Variants in TRIP13 observed in about 807,000 individuals in gnomAD.
TRIP13 encodes pachytene checkpoint protein 2 homolog.
In TRIP13, 25 loss-of-function variants were observed where a neutral mutation model predicts 54.4. That is an observed-to-expected ratio of 0.46 (90% CI 0.33 to 0.64). TRIP13 has a LOEUF of 0.64. Ranked by LOEUF, TRIP13 falls within the 30% of genes least tolerant of loss-of-function variation. TRIP13 has a pLI of 0.02. For missense variants in TRIP13, 373 were observed against 534.2 expected, an observed-to-expected ratio of 0.70 and a Z score of 2.97; for synonymous variants, 207 against 207.8, an observed-to-expected ratio of 1.00 and a Z score of 0.03.
Position 901,373 on chromosome 5 carries a change from T to A in TRIP13, c.477T>A (p.Phe159Leu), listed in dbSNP as rs1427227792. ...LLDYVMTTLLFSDKNVNSNLI... is the reference protein window; with the variant it reads ...LLDYVMTTLLLSDKNVNSNLI... ...ATTATGTGATGACAACTTTACTGTT[T>A]TCAGACAAGAACGTCAACAGCAACC... The change falls in exon 5 of 13, where the codon TTT becomes TTA. Residue 159 changes from phenylalanine to leucine, a missense_variant. Around this residue, in one of 4 missense-constraint regions of TRIP13, gnomAD observed 119 missense variants for 223.0 expected, o/e 0.53. Transcript: ENST00000166345. 6.2e-7 allele frequency: 1 copy of A among 1,614,054 alleles called. No individual in the cohort carries two copies. The highest frequency in any genetic ancestry group is 8.5e-7 in the Non-Finnish European group (1 of 1,180,022).
Position 908,340 on chromosome 5 carries a change from G to C in TRIP13, c.760-15G>C. On this transcript the variant is annotated splice_polypyrimidine_tract_variant and intron_variant, in intron 8 of 12. Transcript: ENST00000166345. This position sits in a 1 kb window ranked among gnomAD's most constrained non-coding sequence, Gnocchi z 5.2. ...AGGCCCTGTCCTTTTTGACCCCACTGCTCCCTCCCAACAGGTGGAGAGTCT... is the reference window on the plus strand; with the variant it reads ...AGGCCCTGTCCTTTTTGACCCCACTCCTCCCTCCCAACAGGTGGAGAGTCT... The C allele has an allele frequency of 6.2e-7, 1 of 1,609,160 alleles. No individual in the cohort carries two copies. The highest frequency in any genetic ancestry group is 1.3e-5 in the African/African-American group (1 of 75,054).
chr5:900,730 A>G (rs1207222687), intron 4 of TRIP13, among the ~76,000 whole-genome samples, 181 bp downstream of exon 4: 1 of 152,170 alleles, frequency 6.6e-6, no homozygotes, highest in Non-Finnish European at 1.5e-5. Flanking sequence ...CTGGTCTCTG[A>G]GGAGCTCCCT....
At position 892,959 on chromosome 5, in the gene TRIP13, G is replaced by A; in HGVS notation, c.-40G>A. Reference sequence around the variant, plus strand: ...CGACGCTGGGCGTGAGGTGGCGGCGGCCGCGCCCTGGTTGGGTCCCCACTG... The same window carrying A: ...CGACGCTGGGCGTGAGGTGGCGGCGACCGCGCCCTGGTTGGGTCCCCACTG... On this transcript the variant is annotated 5_prime_UTR_variant, in exon 1 of 13. Transcript: ENST00000166345. 3 of 1,453,618 alleles carry A rather than the reference G, an allele frequency of 2.1e-6. No homozygotes were observed. Among genetic ancestry groups the A allele is most frequent in the Non-Finnish European group, 2.7e-6 (3 of 1,104,354 alleles). The allele number at this position is 1,453,618 out of a possible 1,614,324, so 90.0% of individuals were successfully genotyped here.
chr5:906,798 G>A (rs146641864), intron 6 of TRIP13, among the ~76,000 whole-genome samples: 1 of 152,262 alleles, frequency 6.6e-6, no homozygotes, highest in African/African-American at 2.4e-5. Flanking sequence ...CCTGCCAAAA[G>A]CTCTTGATGC....
chr5:902,611 G>A (rs1001288636), intron 5 of TRIP13, among the ~76,000 whole-genome samples: 2 of 152,216 alleles, frequency 1.3e-5, no homozygotes, highest in African/African-American at 4.8e-5. Flanking sequence ...CACAGGGTTG[G>A]TGAGTTTTCT....
rs1754319829 is a variant in TRIP13, at chr5:915,227, A to G, written c.1133+650A>G. Among the ~76,000 whole-genome samples the G allele has an allele frequency of 6.6e-6, 1 of 152,272 alleles. No individual in the cohort carries two copies. The highest frequency in any genetic ancestry group is 1.5e-5 in the Non-Finnish European group (1 of 68,046). On this transcript the variant is annotated intron_variant, in intron 11 of 12. Transcript: ENST00000166345. The surrounding 1 kb of genome is among the most constrained non-coding windows in gnomAD (Gnocchi z 4.2). ...TTTAAATCAGTTAAGATGGGAACGA[A>G]GAACAGTTCAGAGACTTCTACAAAA... is the stretch of plus-strand genomic sequence containing the variant.
Position 911,163 on chromosome 5 carries a change from T to C in TRIP13, c.867-680T>C, listed in dbSNP as rs191770465. On this transcript the variant is annotated intron_variant, in intron 9 of 12. Transcript: ENST00000166345. This position sits in a 1 kb window ranked among gnomAD's most constrained non-coding sequence, Gnocchi z 4.7. The stretch of plus-strand genomic sequence containing the variant: ...TAGAGGGGAGAGCAGATCATGAACA[T>C]GGGAAGTAACCCAGCTCTAGAGTAT... 1.3e-5 allele frequency among the ~76,000 whole-genome samples: 2 copies of C among 152,302 alleles called. No homozygotes were observed. Among genetic ancestry groups the C allele is most frequent in the Admixed American group, 6.5e-5 (1 of 15,300 alleles).
chr5:894,384 T>C (rs1044270483), intron 1 of TRIP13, among the ~76,000 whole-genome samples: 1 of 152,190 alleles, frequency 6.6e-6, no homozygotes, highest in Non-Finnish European at 1.5e-5. Context: ...ATCACGGCTA[T>C]TGGAGACTTG....
intron 9 of TRIP13, among the ~76,000 whole-genome samples, chr5:909,800 G>A (rs1313424935): frequency 6.6e-6 from 1 of 152,268 alleles, no homozygotes; most frequent in Non-Finnish European, 1.5e-5. Flanking sequence ...GGTGGGGCTA[G>A]TTAACTGCAG....
chr5:914,529 T>C lies in TRIP13; in HGVS notation c.1085T>C (p.Ile362Thr). The C allele has an allele frequency of 6.2e-7, 1 of 1,613,798 alleles. No homozygotes were observed. The highest frequency in any genetic ancestry group is 8.5e-7 in the Non-Finnish European group (1 of 1,179,952). ...CGAGAGCTAGAGATGATTGGCTTCATTGAAAACAACGTGTCAAAATTGAGC... is the reference window on the plus strand; with the variant it reads ...CGAGAGCTAGAGATGATTGGCTTCACTGAAAACAACGTGTCAAAATTGAGC... ...TLRELEMIGF[I>T]ENNVSKLSLL... The change falls in exon 11 of 13, where the codon ATT becomes ACT. Residue 362 changes from isoleucine (I) to threonine (T), a missense_variant. Around this residue, in one of 4 missense-constraint regions of TRIP13, gnomAD observed 101 missense variants for 138.5 expected, o/e 0.73. Coordinates refer to ENST00000166345, the MANE Select transcript of TRIP13 (RefSeq NM_004237.4).
At chr5:906,587 C>T (rs1044541515) in intron 6 of TRIP13, among the ~76,000 whole-genome samples, 1 of 152,172 alleles carries the variant, frequency 6.6e-6, no homozygotes, top group Non-Finnish European at 1.5e-5. Flanking sequence ...TTCTCTCTGG[C>T]CTCAGTCTTG....
chr5:909,892 G>T (rs900872334), intron 9 of TRIP13, among the ~76,000 whole-genome samples: 5 of 152,252 alleles, frequency 3.3e-5, no homozygotes, highest in African/African-American at 1.2e-4. Flanking sequence ...TCCACCCTGG[G>T]CGGGCCAGGT....
chr5:904,225 C>T lies in TRIP13; in HGVS notation c.608+5C>T. On this transcript the variant is annotated splice_donor_5th_base_variant and intron_variant, in intron 6 of 12. Coordinates refer to ENST00000166345, the MANE Select transcript of TRIP13 (RefSeq NM_004237.4). ...GACAATTAGACTTTCAAGCAGGTAA[C>T]TTTCGGTAATCTGTGAGAGGAGAGC... 1 of 1,605,166 alleles carries T rather than the reference C, an allele frequency of 6.2e-7. No individual in the cohort carries two copies. The highest frequency in any genetic ancestry group is 8.5e-7 in the Non-Finnish European group (1 of 1,177,112).
chr5:909,820 G>A (rs181360659), intron 9 of TRIP13, among the ~76,000 whole-genome samples: 3 of 152,388 alleles, frequency 2.0e-5, no homozygotes, highest in African/African-American at 7.2e-5. Context: ...GCAGGAGCAT[G>A]TCCTTAAGGC....
chr5:914,745 G>A (rs1754309738), intron 11 of TRIP13, among the ~76,000 whole-genome samples, 168 bp downstream of exon 11: 1 of 151,722 alleles, frequency 6.6e-6, no homozygotes, highest in Non-Finnish European at 1.5e-5. Flanking sequence ...GTGTGTGCAT[G>A]TGAGTAGAAA....
chr5:896,778 C>G lies in TRIP13; in HGVS notation c.372C>G (p.His124Gln), dbSNP rs1272695642. ...EETENIIAAN[H>Q]WVLPAAEFHG... ...CAGAAAACATAATTGCAGCAAATCACTGGGTTCTACCTGCAGGTATGGGGT... is the reference window on the plus strand; with the variant it reads ...CAGAAAACATAATTGCAGCAAATCAGTGGGTTCTACCTGCAGGTATGGGGT... Residue 124 changes from histidine (H) to glutamine (Q), a missense_variant, in exon 3 of 13, where the codon CAC (histidine) becomes CAG (glutamine). Physicochemically the swap from His to Gln is conservative, Grantham distance 24. Transcript: ENST00000166345. 1 of 1,613,426 alleles carries G rather than the reference C, an allele frequency of 6.2e-7. No homozygotes were observed. The highest frequency in any genetic ancestry group is 8.5e-7 in the Non-Finnish European group (1 of 1,179,668).
rs2150680428 is a variant in TRIP13 at position 894,833 on chromosome 5, A to G, written c.139A>G (p.Asn47Asp). Residue 47 changes from asparagine to aspartate, a missense_variant, in exon 2 of 13, where the codon AAC becomes GAC. Coordinates refer to ENST00000166345, the MANE Select transcript of TRIP13 (RefSeq NM_004237.4). ...AAACCTGAGTGTTAGAAAGCTACTCAACAGACATAATATTGTGTTTGGTGA... is the reference window on the plus strand; with the variant it reads ...AAACCTGAGTGTTAGAAAGCTACTCGACAGACATAATATTGTGTTTGGTGA... ...DINLSVRKLL[N>D]RHNIVFGDYT... 6.2e-7 allele frequency: 1 copy of G among 1,613,464 alleles called. No individual in the cohort carries two copies. The highest frequency in any genetic ancestry group is 2.2e-5 in the East Asian group (1 of 44,876).
rs1754131028 is a variant in TRIP13 at position 907,109 on chromosome 5, A to C, written c.609-21A>C. The C allele has an allele frequency of 6.2e-7, 1 of 1,612,412 alleles. No individual in the cohort carries two copies. The highest frequency in any genetic ancestry group is 1.3e-5 in the African/African-American group (1 of 74,982). ...CACAGGACCAGTTAGTAATTCTCTC[A>C]ACTCCTTTTTTCTATCTCAGGTACC... On this transcript the variant is annotated intron_variant, in intron 6 of 12. Transcript: ENST00000166345. This position sits in a 1 kb window ranked among gnomAD's most constrained non-coding sequence, Gnocchi z 4.1.
At chr5:918,227 C>T (rs571277058), downstream of TRIP13, 1 of 152,146 alleles carries the variant, frequency 6.6e-6, no homozygotes, top group Non-Finnish European at 1.5e-5. This position sits in a 1 kb window ranked among gnomAD's most constrained non-coding sequence, Gnocchi z 4.3. Flanking sequence ...GGTAGATCAC[C>T]AAGGCCAAGG....
Sources: allele counts gnomAD v4.1 joint callset (sites outside exome capture counted in the v4.1 genomes callset), GRCh38; gene constraint gnomAD v4.1.1; regional missense constraint gnomAD v4.1.1; non-coding constraint Gnocchi (gnomAD v3.1); transcripts MANE v1.5; gene names NCBI Gene and HGNC (gene_info 2026-07-23, HGNC 2026-07-21).